Variants in GUCY1A2 observed in about 807,000 individuals in gnomAD.
The protein encoded by GUCY1A2 is guanylate cyclase soluble subunit alpha-2.
A neutral mutation model predicts 63.5 loss-of-function variants in GUCY1A2; 27 were observed. The ratio of observed to expected loss-of-function variants is 0.43; its 90% CI spans 0.31 to 0.59. The LOEUF is 0.59. Ranked by LOEUF, GUCY1A2 falls within the 20% of genes least tolerant of loss-of-function variation. The pLI, the probability that GUCY1A2 is intolerant of heterozygous loss-of-function variation, is 0.11. For missense variants in GUCY1A2, 768 were observed against 913.3 expected (o/e 0.84, Z 2.05); for synonymous variants, 364 against 343.5 (o/e 1.06, Z -0.66).
Position 106,692,266 on chromosome 11 carries a change from G to T in GUCY1A2, c.1992-4510C>A, listed in dbSNP as rs555636027. Among the ~76,000 whole-genome samples, 16 of 152,204 alleles carry T rather than the reference G, an allele frequency of 1.1e-4. No individual in the cohort carries two copies. The South Asian group carries it at 1.2e-3, about 12-fold the overall frequency. ...TCCCCAGCTGGTTGTTACACACTCTGGGAGTTTTGGCAACATGTTTAATAA... is the reference window on the plus strand; with the variant it reads ...TCCCCAGCTGGTTGTTACACACTCTTGGAGTTTTGGCAACATGTTTAATAA... On this transcript the variant is annotated intron_variant, in intron 7 of 7. Coordinates refer to ENST00000526355, the MANE Select transcript of GUCY1A2 (RefSeq NM_000855.3).
chr11:106,717,063 T>G (rs1863229828), intron 6 of GUCY1A2, among the ~76,000 whole-genome samples: 1 of 152,158 alleles, frequency 6.6e-6, no homozygotes, highest in East Asian at 1.9e-4. Context: ...CAGCTATATC[T>G]AGCCTCTTAG....
chr11:106,819,926 A>T (rs1353657693), intron 4 of GUCY1A2, among the ~76,000 whole-genome samples: 1 of 152,202 alleles, frequency 6.6e-6, no homozygotes, highest in Non-Finnish European at 1.5e-5. Context: ...CTATATTTGA[A>T]GTATAAAATT....
intron 4 of GUCY1A2, among the ~76,000 whole-genome samples, chr11:106,861,983 T>C (rs1357244181): frequency 1.3e-5 from 2 of 151,988 alleles, no homozygotes; most frequent in African/African-American, 4.8e-5. Flanking sequence ...TTCCTCTTCA[T>C]TAAACACTGT....
chr11:106,851,184 G>GT (rs35831765), intron 4 of GUCY1A2, among the ~76,000 whole-genome samples: 5,790 of 149,972 alleles, frequency 0.039, 566 homozygotes, highest in East Asian at 0.25. Flanking sequence ...TTTTAAATGG[G>GT]TTTTTTTTTG....
At chr11:106,897,780 A>G (rs1860072051) in intron 4 of GUCY1A2, among the ~76,000 whole-genome samples, 1 of 152,086 alleles carries the variant, frequency 6.6e-6, no homozygotes, top group Admixed American at 6.5e-5. Flanking sequence ...AAGATAATAT[A>G]GAACAACTTG....
chr11:106,899,929 C>CA (rs1309589196), intron 4 of GUCY1A2, among the ~76,000 whole-genome samples: 2 of 151,580 alleles, frequency 1.3e-5, no homozygotes, highest in Non-Finnish European at 2.9e-5. Flanking sequence ...CTTAAAAATA[C>CA]AAAAAAATTA....
At position 106,681,352 on chromosome 11, in the gene GUCY1A2, C is replaced by A. The variant is rs912173349; in HGVS notation, c.*6197G>T. The A allele has an allele frequency of 1.3e-5, 3 of 226,012 alleles. No individual in the cohort carries two copies. The highest frequency in any genetic ancestry group is 1.1e-4 in the Admixed American group (2 of 17,520). The allele number at this position is 226,012 out of a possible 1,614,324, so 14.0% of individuals were successfully genotyped here. A position where few individuals can be genotyped will look rare whatever the true frequency, so the allele number is the denominator to read the frequency against. ...GCCGCAAGACCCATCTATATTTTTG[C>A]AAAGCCTACTTTCTCAATCACCTCT... is the stretch of plus-strand genomic sequence containing the variant. On this transcript the variant is annotated 3_prime_UTR_variant, in exon 8 of 8. Coordinates refer to ENST00000526355, the MANE Select transcript of GUCY1A2 (RefSeq NM_000855.3).
intron 6 of GUCY1A2, among the ~76,000 whole-genome samples, chr11:106,771,604 TAGTC>T (rs1160263408): frequency 6.6e-6 from 1 of 151,946 alleles, no homozygotes; most frequent in Non-Finnish European, 1.5e-5. Context: ...TTTTTTTAAA[TAGTC>T]AGGTGTGGTT....
chr11:107,013,285 G>A (rs1419533489), intron 1 of GUCY1A2, among the ~76,000 whole-genome samples: 2 of 152,120 alleles, frequency 1.3e-5, no homozygotes, highest in African/African-American at 4.8e-5. Flanking sequence ...ACCTAGAGAA[G>A]CCTTGCCCTT....
intron 7 of GUCY1A2, among the ~76,000 whole-genome samples, chr11:106,693,959 C>T (rs1862671598): frequency 6.6e-6 from 1 of 151,986 alleles, no homozygotes; most frequent in Non-Finnish European, 1.5e-5. Flanking sequence ...TCAAGGCATT[C>T]AACAAATTAC....
At chr11:106,972,187 T>C (rs1165717349) in intron 3 of GUCY1A2, among the ~76,000 whole-genome samples, 1 of 152,130 alleles carries the variant, frequency 6.6e-6, no homozygotes, top group Non-Finnish European at 1.5e-5. Flanking sequence ...ACTAAGGATA[T>C]TGAAATAAAG....
intron 4 of GUCY1A2, among the ~76,000 whole-genome samples, chr11:106,917,837 A>T (rs534123385): frequency 7.2e-6 from 1 of 139,830 alleles, no homozygotes; most frequent in African/African-American, 2.5e-5. Flanking sequence ...AGATATACCT[A>T]ATGTTAAATG....
At chr11:106,780,195 T>C (rs1864434416) in intron 5 of GUCY1A2, among the ~76,000 whole-genome samples, 1 of 151,920 alleles carries the variant, frequency 6.6e-6, no homozygotes, top group Admixed American at 6.6e-5. Flanking sequence ...GTAAACTAAA[T>C]ATATATATTT....
At chr11:106,789,483 C>T (rs1267310046) in intron 5 of GUCY1A2, among the ~76,000 whole-genome samples, 3 of 152,256 alleles carry the variant, frequency 2.0e-5, no homozygotes, top group African/African-American at 2.4e-5. Flanking sequence ...CAGGATTAGT[C>T]GCTGGTGCTT....
rs1862458613 is a variant in GUCY1A2, at chr11:106,683,091, G to T, written c.*4458C>A. 1 of 217,802 alleles carries T rather than the reference G, an allele frequency of 4.6e-6. No individual in the cohort carries two copies. Among genetic ancestry groups the T allele is most frequent in the East Asian group, 6.8e-5 (1 of 14,758 alleles). 13.5% of individuals were successfully genotyped at this position (217,802 alleles called of 1,614,324 possible). On this transcript the variant is annotated 3_prime_UTR_variant, in exon 8 of 8. Coordinates refer to ENST00000526355, the MANE Select transcript of GUCY1A2 (RefSeq NM_000855.3). Reference sequence around the variant, plus strand: ...GTGTATGTTAAACCAGCTGGTTGTGGTTTAGGAACATTCATATCAAGAGCT... The same window carrying T: ...GTGTATGTTAAACCAGCTGGTTGTGTTTTAGGAACATTCATATCAAGAGCT...
chr11:106,796,737 C>G (rs1390616890), intron 5 of GUCY1A2, among the ~76,000 whole-genome samples: 2 of 152,122 alleles, frequency 1.3e-5, no homozygotes, highest in Non-Finnish European at 2.9e-5. Context: ...TTTGGTGAAT[C>G]TGACAATTAT....
At chr11:107,002,437 T>C (rs1861623407) in intron 1 of GUCY1A2, among the ~76,000 whole-genome samples, 1 of 151,764 alleles carries the variant, frequency 6.6e-6, no homozygotes, top group Non-Finnish European at 1.5e-5. Context: ...CGCATAAATA[T>C]ATAAACTTTT....
chr11:106,851,293 T>G (rs78939488), intron 4 of GUCY1A2, among the ~76,000 whole-genome samples: 8,298 of 152,046 alleles, frequency 0.055, 331 homozygotes, highest in Middle Eastern at 0.12. Context: ...TTTCTCCCGT[T>G]CTACAGGTTG....
chr11:106,921,265 T>C (rs1414795987), intron 4 of GUCY1A2, among the ~76,000 whole-genome samples: 2 of 152,024 alleles, frequency 1.3e-5, no homozygotes, highest in Non-Finnish European at 2.9e-5. Flanking sequence ...ACTTGCAGCA[T>C]CACTTCTCTT....
Sources: gnomAD v4.1 joint callset for allele counts (sites outside exome capture counted in the v4.1 genomes callset) on GRCh38, gnomAD v4.1.1 for gene constraint, MANE v1.5 for transcripts, NCBI Gene and HGNC (gene_info 2026-07-23, HGNC 2026-07-21) for gene names.